NRDE2: variants seen among roughly 807,000 people sequenced by gnomAD.
The protein encoded by NRDE2 is NRDE-2, necessary for RNA interference, domain containing.
In NRDE2, 76 loss-of-function variants were observed where a neutral mutation model predicts 124.2. The ratio of observed to expected loss-of-function variants is 0.61; its 90% confidence interval spans 0.51 to 0.74. NRDE2 has a LOEUF of 0.74. Ranked by LOEUF, NRDE2 falls within the 30% of genes least tolerant of loss-of-function variation. The pLI is 0.00. For synonymous variants in NRDE2, 489 were observed against 528.1 expected (o/e 0.93, Z 1.01); for missense variants, 1,314 against 1,417.3 (o/e 0.93, Z 1.17).
At chr14:90,327,736 C>T (rs1370960787) in intron 1 of NRDE2, among the ~76,000 whole-genome samples, 7 of 152,160 alleles carry the variant, frequency 4.6e-5, no homozygotes, top group African/African-American at 1.7e-4. Flanking sequence ...CCAGGCTAGG[C>T]GAGGTGGCTC....
intron 6 of NRDE2, among the ~76,000 whole-genome samples, chr14:90,302,341 T>C (rs1199490000): frequency 6.6e-6 from 1 of 152,254 alleles, no homozygotes; most frequent in East Asian, 1.9e-4. Context: ...CTTCTATTTA[T>C]GCAGTGGTTC....
In NRDE2 at chr14:90,313,478, T is replaced by C. The variant is rs1285939635; in HGVS notation, c.408-935A>G. Reference sequence around the variant, plus strand: ...GTATTCGCTGTTTTGCTTATACATCTGGACCTCGTAAATAAAGGGCAGAAT... The same window carrying C: ...GTATTCGCTGTTTTGCTTATACATCCGGACCTCGTAAATAAAGGGCAGAAT... On this transcript the variant is annotated intron_variant, in intron 3 of 13. Coordinates refer to ENST00000354366, the MANE Select transcript of NRDE2 (RefSeq NM_017970.4). Among the ~76,000 whole-genome samples the C allele has an allele frequency of 2.0e-5, 3 of 152,142 alleles. No individual in the cohort carries two copies. The East Asian group carries it at 5.8e-4, about 29-fold the overall frequency.
At chr14:90,312,362 C>T in intron 4 of NRDE2, 32 bp downstream of exon 4, 1 of 1,610,804 alleles carries the variant, frequency 6.2e-7, no homozygotes, top group Non-Finnish European at 8.5e-7. Flanking sequence ...CACTTTCCTA[C>T]AGTGAAAACT....
At chr14:90,328,937 A>C (rs1885560621) in intron 1 of NRDE2, among the ~76,000 whole-genome samples, 2 of 152,234 alleles carry the variant, frequency 1.3e-5, no homozygotes, top group South Asian at 4.1e-4. Flanking sequence ...GGACAATCCA[A>C]CTGTAAAATC....
chr14:90,287,033 CAAAAAAAAAAAA>C lies in NRDE2; in HGVS notation c.3159-553_3159-542del, dbSNP rs60863011. ...TGGGCAACAGAGTGAGACTCCGTCT[CAAAAAAAAAAAA>C]AAAAAAAAAAAAAAAAAAGAGAAAG... On this transcript the variant is annotated intron_variant, in intron 11 of 13. Coordinates refer to ENST00000354366, the MANE Select transcript of NRDE2 (RefSeq NM_017970.4). Among the ~76,000 whole-genome samples the C allele has an allele frequency of 2.0e-3, 47 of 23,816 alleles. No individual in the cohort carries two copies. The South Asian group carries it at 0.059, about 30-fold the overall frequency. The allele number at this position is 23,816 out of a possible 152,430, so 15.6% of individuals were successfully genotyped here. A position where few individuals can be genotyped will look rare whatever the true frequency, so the allele number is the denominator to read the frequency against.
At chr14:90,294,263 A>G (rs4603489) in intron 8 of NRDE2, among the ~76,000 whole-genome samples, 48,373 of 151,578 alleles carry the variant, frequency 0.32, 8,990 homozygotes, top group East Asian at 0.52. Context: ...TGCTGGTGGG[A>G]ATGTAAAATG....
chr14:90,329,724 G>A (rs1222896288), intron 1 of NRDE2, among the ~76,000 whole-genome samples: 1 of 150,948 alleles, frequency 6.6e-6, no homozygotes, highest in African/African-American at 2.4e-5. Flanking sequence ...TGTAATCCAA[G>A]CTACTCGGGA....
chr14:90,321,454 A>G (rs530613346), intron 1 of NRDE2, among the ~76,000 whole-genome samples: 7 of 150,054 alleles, frequency 4.7e-5, no homozygotes, highest in Admixed American at 4.7e-4. Flanking sequence ...CAGTATATCT[A>G]TTATACTAGC....
At chr14:90,285,268 C>CT (rs1158840442) in intron 12 of NRDE2, among the ~76,000 whole-genome samples, 2 of 49,100 alleles carry the variant, frequency 4.1e-5, no homozygotes, top group Non-Finnish European at 8.0e-5. Flanking sequence ...GAGACCTTGT[C>CT]TTAAAAAAAA....
intron 1 of NRDE2, among the ~76,000 whole-genome samples, chr14:90,325,245 C>A (rs117080544): frequency 0.022 from 3,323 of 152,244 alleles, 47 homozygotes; most frequent in Middle Eastern, 0.058. Context: ...ATGTCTGCTT[C>A]ATATAATATG....
At chr14:90,323,862 A>G (rs987203984) in intron 1 of NRDE2, among the ~76,000 whole-genome samples, 2 of 152,196 alleles carry the variant, frequency 1.3e-5, no homozygotes, top group African/African-American at 4.8e-5. Context: ...TCTGAACAAA[A>G]TAATTTATCT....
Position 90,318,089 on chromosome 14 carries a change from C to T in NRDE2, c.89G>A (p.Ser30Asn), listed in dbSNP as rs148682249. The T allele has an allele frequency of 3.6e-3, 5,817 of 1,613,948 alleles. 22 individuals are homozygous for T. Among genetic ancestry groups the T allele is most frequent in the Non-Finnish European group, 4.5e-3 (5,316 of 1,179,914 alleles). ...RKELDWLSNPSFCVGSITSLS... is the reference protein window; with the variant it reads ...RKELDWLSNPNFCVGSITSLS... ...GGACGTTATGGATCCAACACAAAAG[C>T]TTGGGTTGCTCAGCCAGTCTAACTC... Residue 30 changes from serine (S) to asparagine (N), a missense_variant, in exon 2 of 14, where the codon AGC (serine) becomes AAC (asparagine). By Grantham distance (46) the Ser-to-Asn change is conservative (BLOSUM62 1). Coordinates refer to ENST00000354366, the MANE Select transcript of NRDE2 (RefSeq NM_017970.4).
intron 1 of NRDE2, among the ~76,000 whole-genome samples, chr14:90,324,859 C>T (rs1293183527): frequency 3.3e-5 from 5 of 152,124 alleles, no homozygotes; most frequent in Admixed American, 3.3e-4. Context: ...ATTTGTAAGG[C>T]ATTTAAACCA....
At chr14:90,295,143 T>C (rs1884096647) in intron 8 of NRDE2, among the ~76,000 whole-genome samples, 1 of 152,208 alleles carries the variant, frequency 6.6e-6, no homozygotes, top group Admixed American at 6.5e-5. Flanking sequence ...TGTACCAATG[T>C]CAGTTCCCTG....
chr14:90,301,135 A>C, intron 7 of NRDE2, 104 bp downstream of exon 7: 1 of 1,150,986 alleles, frequency 8.7e-7, no homozygotes, highest in Non-Finnish European at 1.3e-6. Flanking sequence ...ACACTACCAC[A>C]CCACCTCTCA....
At chr14:90,307,686 T>C (rs1436648335) in intron 4 of NRDE2, among the ~76,000 whole-genome samples, 1 of 152,104 alleles carries the variant, frequency 6.6e-6, no homozygotes, top group East Asian at 1.9e-4. Context: ...CCATACTGGC[T>C]AACACGGTGA....
intron 8 of NRDE2, 89 bp from the exon 9 acceptor site, chr14:90,292,961 AC>A (rs370607919): frequency 1.6e-6 from 2 of 1,213,294 alleles, no homozygotes; most frequent in African/African-American, 3.0e-5. Context: ...ACTGTTGGGC[AC>A]CCGCAATGCC....
In NRDE2 at chr14:90,272,724, G is replaced by A. The variant is rs1027216192; in HGVS notation, c.*5612C>T. 3.6e-5 allele frequency: 8 copies of A among 223,182 alleles called. No individual in the cohort carries two copies. In the Admixed American group the frequency reaches 3.9e-4, roughly 11 times the overall value. 13.8% of individuals were successfully genotyped at this position (223,182 alleles called of 1,614,324 possible). On this transcript the variant is annotated 3_prime_UTR_variant, in exon 14 of 14. Transcript: ENST00000354366. This position sits in a 1 kb window ranked among gnomAD's most constrained non-coding sequence, Gnocchi z 4.5. ...GCCTTTGGACAGGAACTCAGGCTGC[G>A]GTCCCAAGGAGTGTGGACCTCACTA...
rs762038329 is a variant in NRDE2 at position 90,278,319 on chromosome 14, C to T, written c.*17G>A. ...GCAACTTGGCCTCGCAGGCACAGCCCGTTTTCCCGCTGCTCTCTAATCCTC... is the reference window on the plus strand; with the variant it reads ...GCAACTTGGCCTCGCAGGCACAGCCTGTTTTCCCGCTGCTCTCTAATCCTC... On this transcript the variant is annotated 3_prime_UTR_variant, in exon 14 of 14. Transcript: ENST00000354366. The T allele has an allele frequency of 2.5e-6, 4 of 1,613,862 alleles. No homozygotes were observed. The highest frequency in any genetic ancestry group is 4.5e-5 in the East Asian group (2 of 44,878).
Sources: gnomAD v4.1 joint callset for allele counts (sites outside exome capture counted in the v4.1 genomes callset) on GRCh38, gnomAD v4.1.1 for gene constraint, Gnocchi (gnomAD v3.1) non-coding constraint, MANE v1.5 for transcripts, NCBI Gene and HGNC (gene_info 2026-07-23, HGNC 2026-07-21) for gene names.